The following STEAP3 variants were observed in gnomAD, a reference collection of about 807,000 sequenced individuals.
STEAP3 encodes metalloreductase STEAP3.
A neutral mutation model predicts 34.9 loss-of-function variants in STEAP3; 35 were observed. The observed-to-expected ratio is 1.00, with a 90% confidence interval of 0.76 to 1.33. The LOEUF is 1.33. Ranked by LOEUF, STEAP3 falls within the 40% of genes most tolerant of loss-of-function variation. The pLI, the probability that STEAP3 is intolerant of heterozygous loss-of-function variation, is 0.00. For missense variants in STEAP3, 652 were observed against 667.6 expected (o/e 0.98, Z 0.26); for synonymous variants, 281 against 301.6 (o/e 0.93, Z 0.71).
chr2:119,237,683 A>G (rs1158351288), intron 2 of STEAP3, among the ~76,000 whole-genome samples: 1 of 152,216 alleles, frequency 6.6e-6, no homozygotes, highest in Admixed American at 6.5e-5. Flanking sequence ...TGGTTTACAC[A>G]CACTAGTAGC....
At chr2:119,258,912 G>A (rs139973207) in intron 5 of STEAP3, among the ~76,000 whole-genome samples, 3,602 of 106,050 alleles carry the variant, frequency 0.034, 151 homozygotes, top group African/African-American at 0.12. Context: ...GTGAGCCACC[G>A]CACCCAGCCT....
Position 119,254,831 on chromosome 2 carries a change from G to A in STEAP3, c.1198G>A (p.Glu400Lys). Residue 400 changes from glutamate (E) to lysine (K), a missense_variant, in exon 5 of 6, where the codon GAG becomes AAG. Transcript: ENST00000393110. The stretch of plus-strand genomic sequence containing the variant: ...CATTGCAAACTCGCTCAACTGGAGG[G>A]AGTTCAGCTTCGTTCAGGTAAAGTA... The part of the protein sequence containing the change: ...PSIANSLNWR[E>K]FSFVQSSLGF... 1 of 1,614,104 alleles carries A rather than the reference G, an allele frequency of 6.2e-7. No individual in the cohort carries two copies. The highest frequency in any genetic ancestry group is 8.5e-7 in the Non-Finnish European group (1 of 1,180,010).
intron 1 of STEAP3, among the ~76,000 whole-genome samples, chr2:119,227,912 C>A (rs963052360): frequency 2.0e-5 from 3 of 152,088 alleles, no homozygotes; most frequent in African/African-American, 7.2e-5. Context: ...TCACTGCAAC[C>A]TCTGCCTCCC....
chr2:119,245,094 G>GC (rs563875438), intron 2 of STEAP3: 2 of 191,462 alleles, frequency 1.0e-5, no homozygotes, highest in East Asian at 2.4e-4. Context: ...GGTGAGGTTG[G>GC]GGTTAGATGG....
chr2:119,229,393 C>CGA (rs1679146218), intron 1 of STEAP3, among the ~76,000 whole-genome samples: 1 of 152,208 alleles, frequency 6.6e-6, no homozygotes, highest in African/African-American at 2.4e-5. Context: ...TTAGGTCCCT[C>CGA]CCTCAGCTGA....
intron 5 of STEAP3, among the ~76,000 whole-genome samples, chr2:119,256,478 C>T (rs1219019641): frequency 6.6e-6 from 1 of 152,162 alleles, no homozygotes; most frequent in Non-Finnish European, 1.5e-5. Context: ...GCTCCCCTCA[C>T]CAGAAAGCCG....
intron 3 of STEAP3, 99 bp downstream of exon 3, chr2:119,246,087 C>G: frequency 1.4e-6 from 2 of 1,437,356 alleles, no homozygotes; most frequent in South Asian, 2.7e-5. Flanking sequence ...GTTATCATAA[C>G]TAATCCTGCA....
At chr2:119,247,296 T>A (rs573297653) in intron 3 of STEAP3, among the ~76,000 whole-genome samples, 1 of 152,282 alleles carries the variant, frequency 6.6e-6, no homozygotes, top group South Asian at 2.1e-4. Flanking sequence ...TACGCAAAAC[T>A]CTTTTGCTGA....
intron 2 of STEAP3, among the ~76,000 whole-genome samples, chr2:119,232,059 G>T (rs879266109): frequency 6.6e-6 from 1 of 152,192 alleles, no homozygotes; most frequent in Non-Finnish European, 1.5e-5. Context: ...TGCAGAAACA[G>T]CCTGAGAATG....
chr2:119,246,774 G>GAGCA (rs1677440775), intron 3 of STEAP3: 1 of 152,406 alleles, frequency 6.6e-6, no homozygotes, highest in Non-Finnish European at 1.5e-5. Context: ...GGAGGGAACG[G>GAGCA]AGCAAGCAAG....
chr2:119,263,354 C>T lies in STEAP3; in HGVS notation c.*16C>T. Reference sequence around the variant, plus strand: ...CCACGTATGAGGTGCCTGCCCTGGGCTCTGGACCCCGGGCACACGAGGGAC... The same window carrying T: ...CCACGTATGAGGTGCCTGCCCTGGGTTCTGGACCCCGGGCACACGAGGGAC... On this transcript the variant is annotated 3_prime_UTR_variant, in exon 6 of 6. Transcript: ENST00000393110. 1 of 1,608,326 alleles carries T rather than the reference C, an allele frequency of 6.2e-7. No individual in the cohort carries two copies. Among genetic ancestry groups the T allele is most frequent in the South Asian group, 1.1e-5 (1 of 90,214 alleles).
chr2:119,246,597 C>T (rs1204486325), intron 3 of STEAP3: 3 of 155,574 alleles, frequency 1.9e-5, no homozygotes, highest in African/African-American at 7.2e-5. Flanking sequence ...TGCCAGACTC[C>T]ATGTGTGAGA....
chr2:119,245,249 G>A, intron 2 of STEAP3: 1 of 503,698 alleles, frequency 2.0e-6, no homozygotes. Flanking sequence ...CATTCAGCAG[G>A]AGGGACAAAG....
At chr2:119,230,125 G>A (rs1460679900) in intron 1 of STEAP3, among the ~76,000 whole-genome samples, 1 of 152,192 alleles carries the variant, frequency 6.6e-6, no homozygotes, top group Non-Finnish European at 1.5e-5. Context: ...AAGATCGCTA[G>A]GTTCCAAACA....
At chr2:119,235,415 G>A (rs1278275396) in intron 2 of STEAP3, among the ~76,000 whole-genome samples, 1 of 151,946 alleles carries the variant, frequency 6.6e-6, no homozygotes, top group African/African-American at 2.4e-5. Context: ...AAAGACCCAG[G>A]GAAAAAAAAA....
chr2:119,226,269 T>C (rs1679037135), intron 1 of STEAP3, among the ~76,000 whole-genome samples: 1 of 152,144 alleles, frequency 6.6e-6, no homozygotes, highest in African/African-American at 2.4e-5. Flanking sequence ...GGCTCTCTGG[T>C]CTTCCAGCTG....
At chr2:119,224,146 C>T (rs1678959705) in intron 1 of STEAP3, among the ~76,000 whole-genome samples, 1 of 152,176 alleles carries the variant, frequency 6.6e-6, no homozygotes, top group African/African-American at 2.4e-5. Context: ...GGGCCGGCGG[C>T]GACAGTGGCG....
intron 4 of STEAP3, among the ~76,000 whole-genome samples, chr2:119,250,515 C>T (rs1257661548): frequency 6.6e-6 from 1 of 152,218 alleles, no homozygotes; most frequent in Non-Finnish European, 1.5e-5. Context: ...GCAGGAGGCT[C>T]TGCGGGGCTC....
At position 119,248,092 on chromosome 2, in the gene STEAP3, C is replaced by T; in HGVS notation, c.936C>T (p.Arg312=). ...PDWLDHWLQH[R]KQIGLLSFFC... is the part of the protein sequence containing the mutation. ...GGCTGGACCACTGGCTACAGCACCGCAAGCAGATCGGGCTGCTCAGCTTCT... is the reference window on the plus strand; with the variant it reads ...GGCTGGACCACTGGCTACAGCACCGTAAGCAGATCGGGCTGCTCAGCTTCT... Residue 312 remains arginine (R), a synonymous_variant, in exon 4 of 6, where the codon CGC becomes CGT. Transcript: ENST00000393110. 7.5e-6 allele frequency: 12 copies of T among 1,608,588 alleles called. No individual in the cohort carries two copies. The highest frequency in any genetic ancestry group is 1.0e-5 in the Non-Finnish European group (12 of 1,179,912).
Sources: allele counts gnomAD v4.1 joint callset (sites outside exome capture counted in the v4.1 genomes callset), GRCh38; gene constraint gnomAD v4.1.1; transcripts MANE v1.5; gene names NCBI Gene and HGNC (gene_info 2026-07-23, HGNC 2026-07-21).